The following ITGA9 variants were observed in gnomAD, a reference collection of about 807,000 sequenced individuals.
ITGA9 encodes integrin alpha-9.
Under a neutral mutation model 127.8 loss-of-function variants are expected in ITGA9, and 56 were observed. The ratio of observed to expected loss-of-function variants is 0.44; its 90% CI spans 0.35 to 0.55. ITGA9 has a LOEUF of 0.55. Ranked by LOEUF, ITGA9 falls within the 20% of genes least tolerant of loss-of-function variation. The pLI is 0.00. For synonymous variants in ITGA9, 508 were observed against 514.5 expected, an observed-to-expected ratio of 0.99 and a Z score of 0.17; for missense variants, 1,196 against 1,347.1, an observed-to-expected ratio of 0.89 and a Z score of 1.76.
At chr3:37,654,746 A>T in intron 17 of ITGA9, among the ~76,000 whole-genome samples, 1 of 152,106 alleles carries the variant, frequency 6.6e-6, no homozygotes, top group Admixed American at 6.5e-5. Flanking sequence ...CTGAACGTGC[A>T]GGTTTGTTAC....
intron 18 of ITGA9, among the ~76,000 whole-genome samples, chr3:37,729,519 A>T (rs921467988): frequency 2.6e-5 from 4 of 152,194 alleles, no homozygotes; most frequent in Admixed American, 6.5e-5. Context: ...ACGTTCTAGC[A>T]TTTGGGAATT....
At chr3:37,606,148 C>G (rs1299676542) in intron 15 of ITGA9, among the ~76,000 whole-genome samples, 1 of 152,178 alleles carries the variant, frequency 6.6e-6, no homozygotes, top group Non-Finnish European at 1.5e-5. Context: ...CAAAGCAAGT[C>G]TATTTTTCAT....
At chr3:37,582,732 T>C (rs1559541919) in intron 15 of ITGA9, among the ~76,000 whole-genome samples, 1 of 152,212 alleles carries the variant, frequency 6.6e-6, no homozygotes, top group East Asian at 1.9e-4. Context: ...ACAGTGTGAC[T>C]TCTCCAAGAC....
In ITGA9 at chr3:37,506,457, A is replaced by G. The variant is rs141127534; in HGVS notation, c.828+372A>G. Among the ~76,000 whole-genome samples the G allele has an allele frequency of 5.8e-3, 883 of 152,244 alleles. 9 individuals are homozygous for G. The highest frequency in any genetic ancestry group is 0.02 in the African/African-American group (847 of 41,538). On this transcript the variant is annotated intron_variant, in intron 7 of 27. Transcript: ENST00000264741. ...CCCAAGTTTGGCTTTGATTTAATGG[A>G]GCTAGGTCCAGTCTCAGATATCTTT...
At position 37,809,088 on chromosome 3, in the gene ITGA9, C is replaced by CTT. The variant is rs1208683122; in HGVS notation, c.3009+5162_3009+5163dup. Among the ~76,000 whole-genome samples the CTT allele has an allele frequency of 2.7e-3, 361 of 133,452 alleles. 7 individuals carry two copies. Among genetic ancestry groups the CTT allele is most frequent in the African/African-American group, 9.0e-3 (323 of 35,854 alleles). The allele number at this position is 133,452 out of a possible 152,430, so 87.5% of individuals were successfully genotyped here. On this transcript the variant is annotated intron_variant, in intron 27 of 27. Coordinates refer to ENST00000264741, the MANE Select transcript of ITGA9 (RefSeq NM_002207.3). ...GTTCGAAATATGGGCAAAATCTTTTCTTTTTTTTTTTTTTTTTGTGGCAGT... is the reference window on the plus strand; with the variant it reads ...GTTCGAAATATGGGCAAAATCTTTTCTTTTTTTTTTTTTTTTTTTGTGGCAGT...
At chr3:37,734,559 G>A (rs1336006852) in intron 19 of ITGA9, among the ~76,000 whole-genome samples, 1 of 152,102 alleles carries the variant, frequency 6.6e-6, no homozygotes, top group Non-Finnish European at 1.5e-5. Context: ...GCGCAATCTT[G>A]GCTCACTGCA....
intron 15 of ITGA9, among the ~76,000 whole-genome samples, chr3:37,591,376 G>T (rs973650756): frequency 2.6e-5 from 4 of 152,190 alleles, no homozygotes; most frequent in African/African-American, 9.7e-5. Context: ...AAATCCCATT[G>T]GCATCTGGGG....
intron 17 of ITGA9, among the ~76,000 whole-genome samples, chr3:37,676,379 C>G (rs1445789917): frequency 6.6e-6 from 1 of 152,202 alleles, no homozygotes; most frequent in Non-Finnish European, 1.5e-5. Flanking sequence ...TGGGGCAGCT[C>G]TGGTCTAGCA....
rs150169067 is a variant in ITGA9, at chr3:37,504,371, A to G, written c.742+1064A>G. Among the ~76,000 whole-genome samples, 410 of 152,338 alleles carry G rather than the reference A, an allele frequency of 2.7e-3. 1 individual carries two copies. Among genetic ancestry groups the G allele is most frequent in the African/African-American group, 8.9e-3 (369 of 41,566 alleles). On this transcript the variant is annotated intron_variant, in intron 6 of 27. Coordinates refer to ENST00000264741, the MANE Select transcript of ITGA9 (RefSeq NM_002207.3). ...AAATTATACATCTTGCCAAGGTCACATGGCTCCTAAGTAGCAAAATTAGGG... is the reference window on the plus strand; with the variant it reads ...AAATTATACATCTTGCCAAGGTCACGTGGCTCCTAAGTAGCAAAATTAGGG...
rs112298947 is a variant in ITGA9 at position 37,629,779 on chromosome 3, C to T, written c.1839+443C>T. Among the ~76,000 whole-genome samples, 1 of 152,114 alleles carries T rather than the reference C, an allele frequency of 6.6e-6. No individual in the cohort carries two copies. Among genetic ancestry groups the T allele is most frequent in the Non-Finnish European group, 1.5e-5 (1 of 68,016 alleles). On this transcript the variant is annotated intron_variant, in intron 16 of 27. Transcript: ENST00000264741. This position sits in a 1 kb window ranked among gnomAD's most constrained non-coding sequence, Gnocchi z 4.5. ...TTACAGAATGCTCAACCCAAGAGTC[C>T]CTGGAAACCAGAGCACTGGGGCAAG... is the stretch of plus-strand genomic sequence containing the variant.
At chr3:37,606,050 C>T (rs1256982356) in intron 15 of ITGA9, among the ~76,000 whole-genome samples, 1 of 152,208 alleles carries the variant, frequency 6.6e-6, no homozygotes, top group Non-Finnish European at 1.5e-5. Flanking sequence ...GTCAGTGGTG[C>T]TCGCTAGTCC....
chr3:37,573,621 G>A (rs1217443188), intron 15 of ITGA9, among the ~76,000 whole-genome samples: 1 of 152,120 alleles, frequency 6.6e-6, no homozygotes, highest in Admixed American at 6.5e-5. Context: ...GGGCTGACTT[G>A]GGTTTCCTCA....
chr3:37,544,241 C>A (rs969904546), intron 15 of ITGA9, among the ~76,000 whole-genome samples: 1 of 152,110 alleles, frequency 6.6e-6, no homozygotes, highest in Admixed American at 6.5e-5. Context: ...GAAGTGCAGG[C>A]CAGAGGAAGG....
intron 15 of ITGA9, among the ~76,000 whole-genome samples, chr3:37,574,167 A>G (rs551808754): frequency 5.3e-5 from 8 of 152,342 alleles, no homozygotes; most frequent in South Asian, 2.1e-4. Flanking sequence ...TTTATTTTAC[A>G]TTTATGTGAA....
At chr3:37,646,307 T>C (rs1700376166) in intron 16 of ITGA9, among the ~76,000 whole-genome samples, 1 of 152,212 alleles carries the variant, frequency 6.6e-6, no homozygotes, top group Non-Finnish European at 1.5e-5. Context: ...CCAAAACATA[T>C]ACTGTCTCAC....
At chr3:37,459,134 A>G (rs940371137) in intron 1 of ITGA9, among the ~76,000 whole-genome samples, 12 of 152,236 alleles carry the variant, frequency 7.9e-5, no homozygotes, top group African/African-American at 2.9e-4. Flanking sequence ...TAAATTAGCA[A>G]CAGTAGCAAC....
intron 26 of ITGA9, among the ~76,000 whole-genome samples, chr3:37,794,325 C>A (rs1697147592): frequency 6.6e-6 from 1 of 152,216 alleles, no homozygotes; most frequent in South Asian, 2.1e-4. Flanking sequence ...CCCCTTACCC[C>A]TCTGGCCTGT....
chr3:37,692,628 AT>A lies in ITGA9; in HGVS notation c.2067+8623del, dbSNP rs896639018. Among the ~76,000 whole-genome samples the A allele has an allele frequency of 9.9e-3, 1,489 of 150,070 alleles. 23 individuals are homozygous for A. Among genetic ancestry groups the A allele is most frequent in the African/African-American group, 0.033 (1,343 of 40,932 alleles). ...GATTTTTTTAAAATAATGCTTGTTG[AT>A]TTTTTTTTTCCATTTACTTACCATT... On this transcript the variant is annotated intron_variant, in intron 18 of 27. Coordinates refer to ENST00000264741, the MANE Select transcript of ITGA9 (RefSeq NM_002207.3).
At chr3:37,545,393 C>A (rs1354231268) in intron 15 of ITGA9, among the ~76,000 whole-genome samples, 4 of 151,774 alleles carry the variant, frequency 2.6e-5, no homozygotes, top group African/African-American at 9.7e-5. Flanking sequence ...TCTCCTTTTC[C>A]CTGGAAGTTT....
Sources: gnomAD v4.1 joint callset for allele counts (sites outside exome capture counted in the v4.1 genomes callset) on GRCh38, gnomAD v4.1.1 for gene constraint, Gnocchi (gnomAD v3.1) non-coding constraint, MANE v1.5 for transcripts, NCBI Gene and HGNC (gene_info 2026-07-23, HGNC 2026-07-21) for gene names.